The following SEC24D variants were observed in gnomAD, a reference collection of about 807,000 sequenced individuals.
SEC24D encodes the protein SEC24 homolog D, COPII component, also known as protein transport protein Sec24D.
In SEC24D, 69 loss-of-function variants were observed where a neutral mutation model predicts 116.9. The observed-to-expected ratio is 0.59, with a 90% CI of 0.49 to 0.72. SEC24D has a LOEUF of 0.72. Ranked by LOEUF, SEC24D falls within the 30% of genes least tolerant of loss-of-function variation. SEC24D has a pLI of 0.00. For synonymous variants in SEC24D, 405 were observed against 442.8 expected (o/e 0.91, Z 1.07); for missense variants, 1,131 against 1,264.1 (o/e 0.89, Z 1.60).
At chr4:118,729,638 C>A (rs1376347797) in intron 21 of SEC24D, 1 of 152,182 alleles carries the variant, frequency 6.6e-6, no homozygotes, top group African/African-American at 2.4e-5. Context: ...TCCAGCTGCA[C>A]GTGGCATCCA....
intron 6 of SEC24D, among the ~76,000 whole-genome samples, chr4:118,813,236 G>A (rs780803977): frequency 3.4e-4 from 51 of 152,160 alleles, no homozygotes; most frequent in Admixed American, 5.2e-4. Flanking sequence ...GAGTCACATG[G>A]TCACAAGCCA....
intron 2 of SEC24D, among the ~76,000 whole-genome samples, chr4:118,825,056 A>C (rs1730543264): frequency 6.6e-6 from 1 of 152,230 alleles, no homozygotes; most frequent in Non-Finnish European, 1.5e-5. Context: ...TTACCACGCA[A>C]AGAATACTAA....
At chr4:118,813,350 A>C (rs774513795) in intron 6 of SEC24D, among the ~76,000 whole-genome samples, 1 of 152,234 alleles carries the variant, frequency 6.6e-6, no homozygotes, top group Non-Finnish European at 1.5e-5. Context: ...TTCATTGCTT[A>C]TAACACCTGA....
intron 8 of SEC24D, among the ~76,000 whole-genome samples, chr4:118,780,552 T>C (rs1006262450): frequency 6.6e-6 from 1 of 152,228 alleles, no homozygotes; most frequent in Non-Finnish European, 1.5e-5. Flanking sequence ...AAGCGTGATG[T>C]GGTACTGAGA....
chr4:118,768,149 A>G, intron 9 of SEC24D, 24 bp downstream of exon 9: 15 of 1,596,110 alleles, frequency 9.4e-6, no homozygotes, highest in Non-Finnish European at 1.3e-5. Flanking sequence ...AATTTCACAA[A>G]GAGCTTTTAA....
chr4:118,832,226 C>T (rs1348618063), intron 2 of SEC24D, among the ~76,000 whole-genome samples: 4 of 152,106 alleles, frequency 2.6e-5, no homozygotes, highest in African/African-American at 9.7e-5. Context: ...CAGAGGGAGA[C>T]TCCACCTCAA....
At chr4:118,763,724 T>C (rs2110469052) in intron 10 of SEC24D, among the ~76,000 whole-genome samples, 1 of 152,260 alleles carries the variant, frequency 6.6e-6, no homozygotes, top group South Asian at 2.1e-4. Context: ...ACCCGCAAAT[T>C]CATTGTTTTA....
chr4:118,751,195 T>TTTTTTTTTTTTA (rs1726812363), intron 13 of SEC24D, among the ~76,000 whole-genome samples: 2 of 145,876 alleles, frequency 1.4e-5, no homozygotes, highest in Admixed American at 6.9e-5. Context: ...TTTTTTTTTT[T>TTTTTTTTTTTTA]GAGATGTAGT....
chr4:118,743,922 T>C, intron 15 of SEC24D, 66 bp downstream of exon 15: 1 of 1,424,654 alleles, frequency 7.0e-7, no homozygotes, highest in South Asian at 1.5e-5. Flanking sequence ...TTTTTAAACC[T>C]ATAATCTAAA....
intron 4 of SEC24D, chr4:118,816,613 G>A (rs1487912262): frequency 4.2e-6 from 1 of 240,606 alleles, no homozygotes; most frequent in Non-Finnish European, 8.3e-6. Flanking sequence ...ATTTTGAAAT[G>A]AGTAAAAGAC....
Position 118,817,324 on chromosome 4 carries a change from A to T in SEC24D, c.337T>A (p.Ser113Thr). The T allele has an allele frequency of 1.2e-6, 2 of 1,613,844 alleles. No individual in the cohort carries two copies. The highest frequency in any genetic ancestry group is 1.7e-6 in the Non-Finnish European group (2 of 1,179,844). The part of the protein sequence containing the change: ...SAQSSYPGPI[S>T]TSSVTQLGSQ... ...CCCAGCTGGGTGACAGATGAAGTGGATATAGGACCTGGATAAGAAGATTGT... is the reference window on the plus strand; with the variant it reads ...CCCAGCTGGGTGACAGATGAAGTGGTTATAGGACCTGGATAAGAAGATTGT... The change falls in exon 4 of 23, where the codon TCC becomes ACC. Residue 113 changes from serine (S) to threonine (T), a missense_variant. Transcript: ENST00000280551.
chr4:118,725,371 T>G (rs1411329458), intron 22 of SEC24D, among the ~76,000 whole-genome samples: 1 of 152,184 alleles, frequency 6.6e-6, no homozygotes, highest in African/African-American at 2.4e-5. Flanking sequence ...CAGGATTCTT[T>G]TCATTTTATG....
chr4:118,797,662 G>C, intron 8 of SEC24D, 21 bp downstream of exon 8: 1 of 1,521,668 alleles, frequency 6.6e-7, no homozygotes, highest in Non-Finnish European at 8.9e-7. Context: ...TTATTGAATT[G>C]CTATTATATA....
chr4:118,786,727 T>C (rs964541017), intron 8 of SEC24D, among the ~76,000 whole-genome samples: 2 of 152,170 alleles, frequency 1.3e-5, no homozygotes, highest in African/African-American at 4.8e-5. Context: ...CAGTTCCTCG[T>C]CTGTGGTGGC....
At chr4:118,787,677 T>C (rs111716557) in intron 8 of SEC24D, among the ~76,000 whole-genome samples, 7,415 of 152,110 alleles carry the variant, frequency 0.049, 227 homozygotes, top group Middle Eastern at 0.24. Context: ...CCAGGTGTGG[T>C]GCACGTGGCC....
intron 3 of SEC24D, among the ~76,000 whole-genome samples, chr4:118,820,214 CTT>C (rs1188640965): frequency 1.4e-5 from 2 of 139,384 alleles, no homozygotes; most frequent in African/African-American, 2.7e-5. Context: ...GAGTTTCGCT[CTT>C]GTCGCCCAGG....
At chr4:118,725,306 C>G (rs1355421341) in intron 22 of SEC24D, among the ~76,000 whole-genome samples, 4 of 152,140 alleles carry the variant, frequency 2.6e-5, no homozygotes, top group African/African-American at 9.7e-5. Flanking sequence ...AAAACTAACC[C>G]TTAATGAGAT....
intron 8 of SEC24D, among the ~76,000 whole-genome samples, chr4:118,772,761 C>T (rs542905800): frequency 2.6e-5 from 4 of 152,254 alleles, no homozygotes; most frequent in South Asian, 2.1e-4. Flanking sequence ...TCCTGGCACA[C>T]GGCAGTACAC....
intron 2 of SEC24D, among the ~76,000 whole-genome samples, chr4:118,829,301 C>T (rs1425037724): frequency 2.0e-5 from 3 of 151,960 alleles, no homozygotes; most frequent in Non-Finnish European, 2.9e-5. Flanking sequence ...TGGCTTGAGG[C>T]CAGGAGATCG....
Sources: allele counts gnomAD v4.1 joint callset (sites outside exome capture counted in the v4.1 genomes callset), GRCh38; gene constraint gnomAD v4.1.1; transcripts MANE v1.5; gene names NCBI Gene and HGNC (gene_info 2026-07-23, HGNC 2026-07-21).